The following FOCAD variants were observed in gnomAD, a reference collection of about 807,000 sequenced individuals.
The protein encoded by FOCAD is KIAA1797.
A neutral mutation model predicts 225.6 loss-of-function variants in FOCAD; 198 were observed. The ratio of observed to expected loss-of-function variants is 0.88; its 90% CI spans 0.78 to 0.99. FOCAD has a LOEUF of 0.99. FOCAD is among the 50% of genes least tolerant of loss of function. FOCAD has a pLI of 0.00. For synonymous variants in FOCAD, 897 were observed against 755.0 expected, an observed-to-expected ratio of 1.19 and a Z score of -3.08; for missense variants, 2,713 against 2,123.6, an observed-to-expected ratio of 1.28 and a Z score of -5.46.
At chr9:20,687,047 T>C (rs892297344) in intron 1 of FOCAD, among the ~76,000 whole-genome samples, 13 of 151,962 alleles carry the variant, frequency 8.6e-5, no homozygotes, top group African/African-American at 3.1e-4. Context: ...AATAAAATTG[T>C]GTTTATGATT....
Position 20,986,283 on chromosome 9 carries a change from T to TTTTTTTTTTTTTTTTTTAA in FOCAD, c.4729-5_4729-4insTTTTTTTTTTTTTTTTTAA. 6.8e-7 allele frequency: 1 copy of TTTTTTTTTTTTTTTTTTAA among 1,476,882 alleles called. No individual in the cohort carries two copies. The highest frequency in any genetic ancestry group is 1.4e-5 in the African/African-American group (1 of 69,038). The allele number at this position is 1,476,882 out of a possible 1,614,324, so 91.5% of individuals were successfully genotyped here. A position where few individuals can be genotyped will look rare whatever the true frequency, so the allele number is the denominator to read the frequency against. On this transcript the variant is annotated splice_polypyrimidine_tract_variant and splice_region_variant and intron_variant, in intron 39 of 43. Coordinates refer to ENST00000338382, the MANE Select transcript of FOCAD (RefSeq NM_001375567.1). The stretch of plus-strand genomic sequence containing the variant: ...ACTAAACAATTTTTTTTTTTTTTTT[T>TTTTTTTTTTTTTTTTTTAA]GCAGAGCAACATAGAAAAAGCTGCC...
In FOCAD at chr9:20,929,678, A is replaced by C. The variant is rs1398039642; in HGVS notation, c.3317+82A>C. The C allele has an allele frequency of 4.5e-6, 5 of 1,115,430 alleles. No homozygotes were observed. The African/African-American group carries it at 7.7e-5, about 17-fold the overall frequency. 69.1% of individuals were successfully genotyped at this position (1,115,430 alleles called of 1,614,324 possible). A position where few individuals can be genotyped will look rare whatever the true frequency, so the allele number is the denominator to read the frequency against. On this transcript the variant is annotated intron_variant, in intron 27 of 43. Coordinates refer to ENST00000338382, the MANE Select transcript of FOCAD (RefSeq NM_001375567.1). ...TTGCACCCATATGCACCTATATATAAACATTGTATCTGAGCAATATGTGTT... is the reference window on the plus strand; with the variant it reads ...TTGCACCCATATGCACCTATATATACACATTGTATCTGAGCAATATGTGTT...
At chr9:20,857,328 T>G (rs2131660752) in intron 15 of FOCAD, among the ~76,000 whole-genome samples, 1 of 152,160 alleles carries the variant, frequency 6.6e-6, no homozygotes, top group Non-Finnish European at 1.5e-5. Flanking sequence ...GTTAAGTTTA[T>G]TCCTATGTAT....
intron 19 of FOCAD, among the ~76,000 whole-genome samples, chr9:20,876,755 G>C (rs1361918327): frequency 7.9e-5 from 12 of 152,140 alleles, no homozygotes; most frequent in Admixed American, 7.9e-4. Context: ...AAAGTCACCA[G>C]CCTTAGGAAT....
intron 1 of FOCAD, chr9:20,684,688 A>G (rs1822552269): frequency 6.6e-6 from 1 of 152,284 alleles, no homozygotes; most frequent in Non-Finnish European, 1.5e-5. Flanking sequence ...CTCTCCTTCG[A>G]CCGGTTCCCT....
rs150926945 is a variant in FOCAD, at chr9:20,812,121, T to A, written c.1456-7675T>A. Among the ~76,000 whole-genome samples, 265 of 152,192 alleles carry A rather than the reference T, an allele frequency of 1.7e-3. 3 individuals carry two copies. The East Asian group carries it at 0.043, about 25-fold the overall frequency. On this transcript the variant is annotated intron_variant, in intron 11 of 43. Coordinates refer to ENST00000338382, the MANE Select transcript of FOCAD (RefSeq NM_001375567.1). Reference sequence around the variant, plus strand: ...AAAATGTGAACTAAGAATACACTTTTGTAATTCAGGTCTAGTTTTATAAAA... The same window carrying A: ...AAAATGTGAACTAAGAATACACTTTAGTAATTCAGGTCTAGTTTTATAAAA...
chr9:20,802,171 C>G (rs1324621489), intron 11 of FOCAD, among the ~76,000 whole-genome samples: 2 of 152,060 alleles, frequency 1.3e-5, no homozygotes, highest in Non-Finnish European at 2.9e-5. Flanking sequence ...ATTGATTGGA[C>G]TTTTGGAAGC....
intron 8 of FOCAD, among the ~76,000 whole-genome samples, chr9:20,775,727 A>G (rs1217959791): frequency 6.6e-6 from 1 of 152,120 alleles, no homozygotes; most frequent in East Asian, 1.9e-4. Context: ...CCTGGTGCAT[A>G]GGTGATGTTT....
chr9:20,848,442 G>A (rs1827335256), intron 15 of FOCAD, among the ~76,000 whole-genome samples: 1 of 151,982 alleles, frequency 6.6e-6, no homozygotes, highest in African/African-American at 2.4e-5. Context: ...GTGGTGGGGA[G>A]GGTTAGAGTA....
At chr9:20,968,090 T>C (rs1839427369) in intron 35 of FOCAD, among the ~76,000 whole-genome samples, 1 of 152,140 alleles carries the variant, frequency 6.6e-6, no homozygotes, top group Non-Finnish European at 1.5e-5. Context: ...GTCTTGAACT[T>C]TTCTTTGTTG....
chr9:20,838,375 G>T (rs1203269509), intron 15 of FOCAD, among the ~76,000 whole-genome samples: 3 of 151,970 alleles, frequency 2.0e-5, no homozygotes, highest in Non-Finnish European at 2.9e-5. Context: ...CAGCAGTAAT[G>T]AGTAAGATGT....
chr9:20,907,718 T>C (rs903821335), intron 22 of FOCAD, among the ~76,000 whole-genome samples: 3 of 152,076 alleles, frequency 2.0e-5, no homozygotes, highest in African/African-American at 7.2e-5. Flanking sequence ...TTAAACACAC[T>C]ATTCTTTCTG....
intron 28 of FOCAD, among the ~76,000 whole-genome samples, chr9:20,944,318 T>C (rs1836961452): frequency 6.6e-6 from 1 of 152,208 alleles, no homozygotes; most frequent in Non-Finnish European, 1.5e-5. Flanking sequence ...CAAATAAAGC[T>C]GGTTTATGCC....
At chr9:20,948,147 G>A in intron 30 of FOCAD, 124 bp from the exon 31 acceptor site, 1 of 939,232 alleles carries the variant, frequency 1.1e-6, no homozygotes, top group Non-Finnish European at 1.5e-6. Context: ...TTTTTCATAT[G>A]ACAAATACAG....
In FOCAD at chr9:20,767,394, T is replaced by G. The variant is rs200254642; in HGVS notation, c.699+2321T>G. 3.4e-5 allele frequency among the ~76,000 whole-genome samples: 4 copies of G among 118,776 alleles called. No individual in the cohort carries two copies. In the East Asian group the frequency reaches 6.0e-4, roughly 18 times the overall value. 77.9% of individuals were successfully genotyped at this position (118,776 alleles called of 152,430 possible). A position where few individuals can be genotyped will look rare whatever the true frequency, so the allele number is the denominator to read the frequency against. On this transcript the variant is annotated intron_variant, in intron 7 of 43. Transcript: ENST00000338382. ...TTCTAGTTCTAGATCCCTGAGGAAT[T>G]GCCACACTGACTTCCACAATGGTTG... is the stretch of plus-strand genomic sequence containing the variant.
At chr9:20,697,139 C>A (rs903879942) in intron 1 of FOCAD, among the ~76,000 whole-genome samples, 3 of 152,188 alleles carry the variant, frequency 2.0e-5, no homozygotes, top group Admixed American at 2.0e-4. Flanking sequence ...CTCAATAAAT[C>A]TGGAAAAAAA....
intron 14 of FOCAD, 119 bp from the exon 15 acceptor site, chr9:20,822,870 C>T (rs1824473961): frequency 3.7e-6 from 3 of 821,376 alleles, no homozygotes; most frequent in East Asian, 6.6e-5. Flanking sequence ...ATTTGAGGGT[C>T]ACCATTTAGT....
intron 6 of FOCAD, among the ~76,000 whole-genome samples, chr9:20,764,463 A>G (rs1416408452): frequency 6.6e-6 from 1 of 152,202 alleles, no homozygotes; most frequent in Non-Finnish European, 1.5e-5. Flanking sequence ...CATGTTGGCC[A>G]GGATGGTCTC....
intron 37 of FOCAD, among the ~76,000 whole-genome samples, chr9:20,980,024 GT>G (rs1339368597): frequency 1.3e-5 from 2 of 151,970 alleles, no homozygotes; most frequent in Non-Finnish European, 2.9e-5. Context: ...GTGCTTGCTT[GT>G]AGTCATTCCC....
Sources: allele counts gnomAD v4.1 joint callset (sites outside exome capture counted in the v4.1 genomes callset), GRCh38; gene constraint gnomAD v4.1.1; transcripts MANE v1.5; gene names NCBI Gene and HGNC (gene_info 2026-07-23, HGNC 2026-07-21).